The following RPL26 variants were observed in gnomAD, a reference collection of about 807,000 sequenced individuals.
RPL26 encodes ribosomal protein L26, also known as large ribosomal subunit protein uL24.
RPL26 carries 1 observed loss-of-function variant against 16.2 expected under a neutral mutation model. The ratio of observed to expected loss-of-function variants is 0.06; its 90% confidence interval spans 0.02 to 0.29. The LOEUF (loss-of-function observed/expected upper bound fraction) is 0.29. Among genes scored for constraint, RPL26 ranks in the 10% least tolerant of loss-of-function variants. The pLI is 1.00. For missense variants in RPL26, 102 were observed against 184.3 expected, an observed-to-expected ratio of 0.55 and a Z score of 2.58; for synonymous variants, 55 against 62.4, an observed-to-expected ratio of 0.88 and a Z score of 0.56.
intron 1 of RPL26, 96 bp downstream of exon 1, chr17:8,383,061 G>A (rs1907503163): frequency 7.5e-6 from 3 of 398,490 alleles, no homozygotes; most frequent in South Asian, 2.5e-4. Flanking sequence ...CTGCTACTCG[G>A]CCGACAAGAG....
intron 3 of RPL26, 106 bp from the exon 4 acceptor site, chr17:8,377,798 G>C: frequency 1.0e-6 from 1 of 984,436 alleles, no homozygotes; most frequent in South Asian, 2.2e-5. Flanking sequence ...GTAGGTGGAT[G>C]CCTAATAAGA....
Position 8,381,024 on chromosome 17 carries a change from T to C in RPL26, c.169-1088A>G, listed in dbSNP as rs539169235. On this transcript the variant is annotated intron_variant, in intron 2 of 3. Coordinates refer to ENST00000648839, the MANE Select transcript of RPL26 (RefSeq NM_000987.5). The stretch of plus-strand genomic sequence containing the variant: ...ATAACACACTGTAAAGCCTAAGATT[T>C]GTGTGATTTTTTTTTTTCAGACCCT... 10 of 92,642 alleles carry C rather than the reference T, an allele frequency of 1.1e-4. No homozygotes were observed. The South Asian group carries it at 2.0e-3, about 19-fold the overall frequency. The allele number at this position is 92,642 out of a possible 1,614,324, so 5.7% of individuals were successfully genotyped here. A position where few individuals can be genotyped will look rare whatever the true frequency, so the allele number is the denominator to read the frequency against.
At chr17:8,378,248 T>A (rs1396950881) in intron 3 of RPL26, among the ~76,000 whole-genome samples, 1 of 141,430 alleles carries the variant, frequency 7.1e-6, no homozygotes, top group Admixed American at 7.8e-5. Context: ...GGAGAATCTC[T>A]GGAACCCTGG....
At chr17:8,379,650 T>C (rs540795658) in intron 3 of RPL26, 146 bp downstream of exon 3, 2 of 688,162 alleles carry the variant, frequency 2.9e-6, no homozygotes, top group South Asian at 3.9e-5. Context: ...GAATTTTCAA[T>C]ACAAGTGCAG....
chr17:8,380,237 G>T (rs1453914214), intron 2 of RPL26, among the ~76,000 whole-genome samples: 2 of 152,210 alleles, frequency 1.3e-5, no homozygotes, highest in Non-Finnish European at 2.9e-5. Flanking sequence ...TTAGTGGACA[G>T]GAATCCCAGT....
intron 1 of RPL26, chr17:8,382,578 C>G: frequency 2.5e-6 from 1 of 404,682 alleles, no homozygotes; most frequent in Non-Finnish European, 4.4e-6. Flanking sequence ...GTTATAAGAC[C>G]TTTTAGTTAC....
intron 3 of RPL26, among the ~76,000 whole-genome samples, chr17:8,378,472 A>C (rs1467616654): frequency 6.6e-6 from 1 of 152,168 alleles, no homozygotes; most frequent in African/African-American, 2.4e-5. Flanking sequence ...AGGCTGGGCG[A>C]CAAGAGCAAA....
chr17:8,382,551 CA>C, intron 1 of RPL26: 2 of 460,996 alleles, frequency 4.3e-6, no homozygotes, highest in East Asian at 4.3e-5. Context: ...ACTTTTGCAT[CA>C]AAAACACTTG....
rs750993792 is a variant in RPL26 at position 8,379,557 on chromosome 17, G to T, written c.309+239C>A. 7 of 572,828 alleles carry T rather than the reference G, an allele frequency of 1.2e-5. No homozygotes were observed. The South Asian group carries it at 1.6e-4, about 13-fold the overall frequency. 35.5% of individuals were successfully genotyped at this position (572,828 alleles called of 1,614,324 possible). On this transcript the variant is annotated intron_variant, in intron 3 of 3. Transcript: ENST00000648839. ...CCACTGCACTCCGGCCTGGGTGAAA[G>T]AGCAAGACTGTCTCAAAAACAAACT... is the stretch of plus-strand genomic sequence containing the variant.
Position 8,382,938 on chromosome 17 carries a change from C to T in RPL26, c.-6+219G>A, listed in dbSNP as rs185370173. ...AGTCTATTTCCACAGGCTCCCTTCC[C>T]TCAGCTCGTTTTCGAGTTCCCAAAT... On this transcript the variant is annotated intron_variant, in intron 1 of 3. Coordinates refer to ENST00000648839, the MANE Select transcript of RPL26 (RefSeq NM_000987.5). 3.9e-4 allele frequency: 156 copies of T among 397,912 alleles called. No individual in the cohort carries two copies. In the East Asian group the frequency reaches 5.3e-3, roughly 14 times the overall value. 24.6% of individuals were successfully genotyped at this position (397,912 alleles called of 1,614,324 possible).
Position 8,382,136 on chromosome 17 carries a change from T to G in RPL26, c.168+7A>C, listed in dbSNP as rs199555693. 2 of 1,611,378 alleles carry G rather than the reference T, an allele frequency of 1.2e-6. No homozygotes were observed. The highest frequency in any genetic ancestry group is 1.7e-6 in the Non-Finnish European group (2 of 1,178,072). ...TCAAGACAACGAGAACAAGTAGGGA[T>G]ACACACCTGAACTTCATCATCCTTT... On this transcript the variant is annotated splice_region_variant and intron_variant, in intron 2 of 3. Coordinates refer to ENST00000648839, the MANE Select transcript of RPL26 (RefSeq NM_000987.5).
intron 1 of RPL26, chr17:8,382,562 G>A (rs1907473474): frequency 9.0e-6 from 4 of 442,114 alleles, no homozygotes; most frequent in Non-Finnish European, 8.1e-6. Context: ...AAAAACACTT[G>A]TCCTAGTTAT....
In RPL26 at chr17:8,382,172, T is replaced by C. The variant is rs2151675468; in HGVS notation, c.139A>G (p.Met47Val). The C allele has an allele frequency of 1.9e-6, 3 of 1,613,826 alleles. No individual in the cohort carries two copies. Among genetic ancestry groups the C allele is most frequent in the Non-Finnish European group, 2.5e-6 (3 of 1,179,790 alleles). Residue 47 changes from methionine (M) to valine (V), a missense_variant, in exon 2 of 4, where the codon ATG becomes GTG. Physicochemically the swap from Met to Val is conservative, Grantham distance 21. Coordinates refer to ENST00000648839, the MANE Select transcript of RPL26 (RefSeq NM_000987.5). Reference protein sequence around the residue: ...ELRQKYNVRSMPIRKDDEVQV... With the variant: ...ELRQKYNVRSVPIRKDDEVQV... ...ACTTCATCATCCTTTCGGATGGGCA[T>C]GGATCGCACGTTGTACTTCTGTCTC... is the stretch of plus-strand genomic sequence containing the variant.
At chr17:8,379,447 A>G in intron 3 of RPL26, 1 of 378,272 alleles carries the variant, frequency 2.6e-6, no homozygotes, top group Non-Finnish European at 4.7e-6. Flanking sequence ...TGGTGCACGC[A>G]TGTAGTCACA....
At chr17:8,378,931 TG>T (rs1429426518) in intron 3 of RPL26, among the ~76,000 whole-genome samples, 1 of 152,226 alleles carries the variant, frequency 6.6e-6, no homozygotes, top group East Asian at 1.9e-4. Flanking sequence ...CACAGGTATC[TG>T]GAAGAGAACA....
In RPL26 at chr17:8,382,134, G is replaced by A; in HGVS notation, c.168+9C>T. On this transcript the variant is annotated intron_variant, in intron 2 of 3. Coordinates refer to ENST00000648839, the MANE Select transcript of RPL26 (RefSeq NM_000987.5). ...CATCAAGACAACGAGAACAAGTAGG[G>A]ATACACACCTGAACTTCATCATCCT... The A allele has an allele frequency of 1.2e-6, 2 of 1,609,824 alleles. No homozygotes were observed. Among genetic ancestry groups the A allele is most frequent in the Non-Finnish European group, 1.7e-6 (2 of 1,176,812 alleles).
At chr17:8,379,194 CT>C (rs201780869) in intron 3 of RPL26, 307 of 142,610 alleles carry the variant, frequency 2.2e-3, no homozygotes, top group Middle Eastern at 3.6e-3. Context: ...TATTTTTTTT[CT>C]TTTTTTTTTT....
chr17:8,377,816 T>G, intron 3 of RPL26, 124 bp from the exon 4 acceptor site: 2 of 825,066 alleles, frequency 2.4e-6, no homozygotes, highest in Non-Finnish European at 3.5e-6. Context: ...AGAAAAGATT[T>G]TAACTTTTAA....
chr17:8,382,514 T>A (rs1907471001), intron 1 of RPL26, 199 bp from the exon 2 acceptor site: 4 of 535,852 alleles, frequency 7.5e-6, no homozygotes, highest in Non-Finnish European at 6.6e-6. Flanking sequence ...TATTCGGGTG[T>A]TTTCTGTATA....
Sources: gnomAD v4.1 joint callset for allele counts (sites outside exome capture counted in the v4.1 genomes callset) on GRCh38, gnomAD v4.1.1 for gene constraint, MANE v1.5 for transcripts, NCBI Gene and HGNC (gene_info 2026-07-23, HGNC 2026-07-21) for gene names.